SH3BGR: variants seen among roughly 807,000 people sequenced by gnomAD.
The protein encoded by SH3BGR is SH3 domain-binding glutamic acid-rich protein.
SH3BGR carries 29 observed loss-of-function variants against 24.5 expected under a neutral mutation model. That is an observed-to-expected ratio of 1.18 (90% CI 0.88 to 1.61). The LOEUF (loss-of-function observed/expected upper bound fraction) is 1.61, where lower values mean the gene tolerates loss of function less well. Among genes scored for constraint, SH3BGR ranks in the 40% most tolerant of loss-of-function variants. SH3BGR has a pLI of 0.00. For missense variants in SH3BGR, 162 were observed against 205.8 expected, an observed-to-expected ratio of 0.79 and a Z score of 1.30; for synonymous variants, 55 against 65.7, an observed-to-expected ratio of 0.84 and a Z score of 0.79.
chr21:39,496,094 G>A (rs1860998067), intron 3 of SH3BGR, among the ~76,000 whole-genome samples: 1 of 151,798 alleles, frequency 6.6e-6, no homozygotes, highest in South Asian at 2.1e-4. Flanking sequence ...AGCAAGATAG[G>A]CATGCCTGTC....
At chr21:39,512,257 C>T (rs925346822) in intron 6 of SH3BGR, among the ~76,000 whole-genome samples, 1 of 152,106 alleles carries the variant, frequency 6.6e-6, no homozygotes, top group Non-Finnish European at 1.5e-5. Flanking sequence ...TAAATTATAA[C>T]CTTAAAAAAT....
At chr21:39,504,439 C>T (rs540023099) in intron 4 of SH3BGR, among the ~76,000 whole-genome samples, 7 of 152,310 alleles carry the variant, frequency 4.6e-5, no homozygotes, top group East Asian at 3.9e-4. Flanking sequence ...TCCCAGTGAA[C>T]GCTGCCTGGC....
chr21:39,457,260 G>T (rs1004707537), intron 1 of SH3BGR, among the ~76,000 whole-genome samples: 1 of 134,148 alleles, frequency 7.5e-6, no homozygotes, highest in African/African-American at 2.8e-5. Context: ...ATATTATATT[G>T]TTATATATAA....
At chr21:39,492,222 T>A (rs901168569) in intron 3 of SH3BGR, among the ~76,000 whole-genome samples, 4 of 152,086 alleles carry the variant, frequency 2.6e-5, no homozygotes, top group Non-Finnish European at 4.4e-5. Context: ...TCTTTTATCC[T>A]TCACCCCCTT....
chr21:39,511,394 C>T lies in SH3BGR; in HGVS notation c.436-286C>T, dbSNP rs571300842. Among the ~76,000 whole-genome samples, 4 of 128,672 alleles carry T rather than the reference C, an allele frequency of 3.1e-5. No homozygotes were observed. The highest frequency in any genetic ancestry group is 6.6e-5 in the Non-Finnish European group (4 of 60,334). 84.4% of individuals were successfully genotyped at this position (128,672 alleles called of 152,430 possible). A position where few individuals can be genotyped will look rare whatever the true frequency, so the allele number is the denominator to read the frequency against. On this transcript the variant is annotated intron_variant, in intron 5 of 6. Transcript: ENST00000333634. The surrounding 1 kb of genome is among the most constrained non-coding windows in gnomAD (Gnocchi z 4.2). ...GTGTGGTGTGTATGTGGTGTGTGTGCGTGGATGTGTGTCTGGGTGGTGTGT... is the reference window on the plus strand; with the variant it reads ...GTGTGGTGTGTATGTGGTGTGTGTGTGTGGATGTGTGTCTGGGTGGTGTGT...
At position 39,499,829 on chromosome 21, in the gene SH3BGR, G is replaced by A. The variant is rs758424505; in HGVS notation, c.319G>A (p.Glu107Lys). ...LAPPPDSKGS[E>K]KAEEGGETEA... is the part of the protein sequence containing the mutation. Reference sequence around the variant, plus strand: ...GGGTTTCCTTTATGACCAGGGATCAGAGAAGGCTGAAGAAGGTGGAGAAAC... The same window carrying A: ...GGGTTTCCTTTATGACCAGGGATCAAAGAAGGCTGAAGAAGGTGGAGAAAC... The change falls in exon 4 of 7, where the codon GAG (glutamate) becomes AAG (lysine). Residue 107 changes from glutamate (E) to lysine (K), a missense_variant. Coordinates refer to ENST00000333634, the MANE Select transcript of SH3BGR (RefSeq NM_007341.3). The A allele has an allele frequency of 6.2e-7, 1 of 1,613,244 alleles. No homozygotes were observed. Among genetic ancestry groups the A allele is most frequent in the South Asian group, 1.1e-5 (1 of 91,030 alleles).
intron 3 of SH3BGR, among the ~76,000 whole-genome samples, chr21:39,480,219 C>T (rs886715103): frequency 6.6e-6 from 1 of 152,148 alleles, no homozygotes; most frequent in Non-Finnish European, 1.5e-5. Flanking sequence ...ACACAATTCA[C>T]CCATTTAAAG....
chr21:39,451,307 TAGTG>T (rs1165602649), upstream of SH3BGR, among the ~76,000 whole-genome samples: 1 of 152,156 alleles, frequency 6.6e-6, no homozygotes, highest in Non-Finnish European at 1.5e-5. Context: ...GTAAATAAAA[TAGTG>T]AGACAATTGG....
At position 39,469,747 on chromosome 21, in the gene SH3BGR, G is replaced by C. The variant is rs746409042; in HGVS notation, c.232-5388G>C. On this transcript the variant is annotated intron_variant, in intron 2 of 6. Coordinates refer to ENST00000333634, the MANE Select transcript of SH3BGR (RefSeq NM_007341.3). Reference sequence around the variant, plus strand: ...CAGCTCATTGCAACCTCTGCCTCCCGAGTTCAAGTGATTGATTCTTCTGCC... The same window carrying C: ...CAGCTCATTGCAACCTCTGCCTCCCCAGTTCAAGTGATTGATTCTTCTGCC... Among the ~76,000 whole-genome samples, 35 of 151,836 alleles carry C rather than the reference G, an allele frequency of 2.3e-4. 1 individual carries two copies. The Middle Eastern group carries it at 0.01, about 45-fold the overall frequency.
intron 6 of SH3BGR, among the ~76,000 whole-genome samples, chr21:39,513,067 C>T (rs188876968): frequency 1.3e-3 from 199 of 152,190 alleles, no homozygotes; most frequent in Middle Eastern, 3.4e-3. Flanking sequence ...AAAATTAAGA[C>T]GGCTTTTTGG....
chr21:39,475,767 G>A (rs1296656929), intron 3 of SH3BGR, among the ~76,000 whole-genome samples: 2 of 152,154 alleles, frequency 1.3e-5, no homozygotes, highest in East Asian at 1.9e-4. Context: ...AGAGAGTTAT[G>A]CTAATAAAGC....
upstream of SH3BGR, among the ~76,000 whole-genome samples, chr21:39,450,784 ATTTG>A (rs936838987): frequency 2.6e-5 from 4 of 151,904 alleles, no homozygotes; most frequent in Admixed American, 2.0e-4. Flanking sequence ...CTTTAATTTA[ATTTG>A]TTTGTTTGTT....
chr21:39,467,388 A>G (rs978392104), intron 2 of SH3BGR, among the ~76,000 whole-genome samples: 7 of 152,116 alleles, frequency 4.6e-5, no homozygotes, highest in African/African-American at 1.7e-4. Context: ...TTCATGTTTA[A>G]CTGTTTCTAT....
chr21:39,464,520 G>A (rs189674918), intron 2 of SH3BGR, among the ~76,000 whole-genome samples: 20 of 152,266 alleles, frequency 1.3e-4, no homozygotes, highest in Middle Eastern at 6.8e-3. Context: ...ACCGCGCCCG[G>A]CCCAAATAAA....
At chr21:39,452,450 G>A (rs2077589954) in intron 1 of SH3BGR, among the ~76,000 whole-genome samples, 1 of 152,152 alleles carries the variant, frequency 6.6e-6, no homozygotes, top group Non-Finnish European at 1.5e-5. Context: ...TTTTTTGTAT[G>A]TGTTTCTGCC....
chr21:39,511,066 C>T lies in SH3BGR; in HGVS notation c.436-614C>T, dbSNP rs1432131371. Among the ~76,000 whole-genome samples the T allele has an allele frequency of 1.3e-5, 2 of 148,242 alleles. No homozygotes were observed. Among genetic ancestry groups the T allele is most frequent in the African/African-American group, 4.9e-5 (2 of 41,042 alleles). On this transcript the variant is annotated intron_variant, in intron 5 of 6. Coordinates refer to ENST00000333634, the MANE Select transcript of SH3BGR (RefSeq NM_007341.3). This position sits in a 1 kb window ranked among gnomAD's most constrained non-coding sequence, Gnocchi z 4.2. ...TAACATATCATTCTAAAGCACCATT[C>T]TAAATTGAGGACTCTGTGTTTAGAA... is the stretch of plus-strand genomic sequence containing the variant.
At chr21:39,471,248 C>T (rs910455253) in intron 2 of SH3BGR, among the ~76,000 whole-genome samples, 1 of 151,852 alleles carries the variant, frequency 6.6e-6, no homozygotes, top group Admixed American at 6.6e-5. Flanking sequence ...ATTGGGCTTC[C>T]TGAGACTAAG....
At chr21:39,451,959 T>C, upstream of SH3BGR, 1 of 1,614,190 alleles carries the variant, frequency 6.2e-7, no homozygotes, top group Non-Finnish European at 8.5e-7. Context: ...GGAGCGGGAC[T>C]GCCGGAGCCC....
intron 2 of SH3BGR, among the ~76,000 whole-genome samples, chr21:39,468,758 C>T (rs1028819251): frequency 6.6e-6 from 1 of 152,128 alleles, no homozygotes; most frequent in African/African-American, 2.4e-5. Context: ...CATTTAAAAA[C>T]CTTTGTCTTC....
Sources: allele counts gnomAD v4.1 joint callset (sites outside exome capture counted in the v4.1 genomes callset), GRCh38; gene constraint gnomAD v4.1.1; non-coding constraint Gnocchi (gnomAD v3.1); transcripts MANE v1.5; gene names NCBI Gene and HGNC (gene_info 2026-07-23, HGNC 2026-07-21).